Variants in KIF3B observed in about 807,000 individuals in gnomAD.
KIF3B encodes kinesin-like protein KIF3B.
In KIF3B, 38 loss-of-function variants were observed where a neutral mutation model predicts 74.3. The ratio of observed to expected loss-of-function variants is 0.51; its 90% CI spans 0.39 to 0.67. KIF3B has a LOEUF of 0.67. KIF3B is among the 30% of genes least tolerant of loss of function. The probability of loss-of-function intolerance (pLI) is 0.00; values close to 1 mark genes in which losing one functional copy is unlikely to be tolerated. For missense variants in KIF3B, 649 were observed against 932.0 expected, an observed-to-expected ratio of 0.70 and a Z score of 3.95; for synonymous variants, 326 against 342.5, an observed-to-expected ratio of 0.95 and a Z score of 0.53.
At chr20:32,318,536 CAT>C (rs951948531) in intron 5 of KIF3B, among the ~76,000 whole-genome samples, 1 of 152,168 alleles carries the variant, frequency 6.6e-6, no homozygotes, top group African/African-American at 2.4e-5. Context: ...CTGGCCATCT[CAT>C]ATAAATGGAA....
At chr20:32,306,255 G>C (rs1274845544) in intron 1 of KIF3B, among the ~76,000 whole-genome samples, 1 of 149,042 alleles carries the variant, frequency 6.7e-6, no homozygotes, top group Non-Finnish European at 1.5e-5. Context: ...GATTAGCTGG[G>C]CATGGTGGCA....
At chr20:32,315,001 G>A (rs962942773) in intron 2 of KIF3B, among the ~76,000 whole-genome samples, 1 of 152,044 alleles carries the variant, frequency 6.6e-6, no homozygotes, top group Admixed American at 6.6e-5. Context: ...CAGCCAGGCC[G>A]TCCCAAAGCC....
At chr20:32,278,346 GTCT>G (rs2047626278) in intron 1 of KIF3B, among the ~76,000 whole-genome samples, 1 of 152,068 alleles carries the variant, frequency 6.6e-6, no homozygotes, top group Non-Finnish European at 1.5e-5. Flanking sequence ...ATTTCTCTGA[GTCT>G]TCTTTTCCTT....
intron 1 of KIF3B, among the ~76,000 whole-genome samples, chr20:32,290,937 A>T (rs2047688488): frequency 6.6e-6 from 1 of 152,058 alleles, no homozygotes; most frequent in African/African-American, 2.4e-5. Flanking sequence ...ATTCAGCCTT[A>T]AAAAAGAAGG....
intron 1 of KIF3B, among the ~76,000 whole-genome samples, chr20:32,296,816 A>AT (rs1231989887): frequency 6.6e-6 from 1 of 152,032 alleles, no homozygotes; most frequent in Non-Finnish European, 1.5e-5. Flanking sequence ...CAGTGGTGTT[A>AT]TTTTTCAACC....
In KIF3B at chr20:32,302,657, C is replaced by T. The variant is rs1483943038; in HGVS notation, c.-65-7056C>T. Reference sequence around the variant, plus strand: ...TGTCCTGCCCTGCCATTCTGTTTCTCTTACTCTATCAGGTCTAGGATCTTG... The same window carrying T: ...TGTCCTGCCCTGCCATTCTGTTTCTTTTACTCTATCAGGTCTAGGATCTTG... On this transcript the variant is annotated intron_variant, in intron 1 of 8. Transcript: ENST00000375712. Among the ~76,000 whole-genome samples the T allele has an allele frequency of 2.6e-5, 4 of 152,166 alleles. No homozygotes were observed. The East Asian group carries it at 7.7e-4, about 29-fold the overall frequency.
chr20:32,293,113 A>G (rs941897585), intron 1 of KIF3B, among the ~76,000 whole-genome samples: 1 of 151,824 alleles, frequency 6.6e-6, no homozygotes, highest in African/African-American at 2.4e-5. Context: ...AATTAGTTGG[A>G]TGTGGTGGGG....
intron 5 of KIF3B, among the ~76,000 whole-genome samples, chr20:32,319,904 GT>G (rs1055663582): frequency 6.9e-6 from 1 of 144,200 alleles, no homozygotes; most frequent in Non-Finnish European, 1.5e-5. Context: ...AGTTTTAAGA[GT>G]TTTTTTTGAG....
chr20:32,300,074 CTGTTT>C (rs59811144), intron 1 of KIF3B, among the ~76,000 whole-genome samples: 11,820 of 149,376 alleles, frequency 0.079, 816 homozygotes, highest in African/African-American at 0.18. Flanking sequence ...CCACACTGGC[CTGTTT>C]TGTTTTGTTT....
rs1394519538 is a variant in KIF3B at position 32,334,174 on chromosome 20, C to G, written c.*2855C>G. 1 of 152,598 alleles carries G rather than the reference C, an allele frequency of 6.6e-6. No individual in the cohort carries two copies. The highest frequency in any genetic ancestry group is 2.1e-4 in the South Asian group (1 of 4,820). The allele number at this position is 152,598 out of a possible 1,614,324, so 9.5% of individuals were successfully genotyped here. A position where few individuals can be genotyped will look rare whatever the true frequency, so the allele number is the denominator to read the frequency against. ...GAGTTTGAGACTGTGTATGCAACCCCCAATAGACCCCCTTTTACTCTGATC... is the reference window on the plus strand; with the variant it reads ...GAGTTTGAGACTGTGTATGCAACCCGCAATAGACCCCCTTTTACTCTGATC... On this transcript the variant is annotated 3_prime_UTR_variant, in exon 9 of 9. Coordinates refer to ENST00000375712, the MANE Select transcript of KIF3B (RefSeq NM_004798.4).
intron 1 of KIF3B, among the ~76,000 whole-genome samples, chr20:32,279,203 G>A (rs1288640958): frequency 6.6e-6 from 1 of 151,848 alleles, no homozygotes; most frequent in East Asian, 1.9e-4. Context: ...GATTACATGC[G>A]TGAGCCACCA....
intron 5 of KIF3B, among the ~76,000 whole-genome samples, chr20:32,324,101 A>C (rs1307861049): frequency 7.0e-6 from 1 of 142,002 alleles, no homozygotes; most frequent in Admixed American, 7.4e-5. Flanking sequence ...CGAGTGAGAC[A>C]CCAACTCAAA....
chr20:32,319,527 TACAC>T (rs71187104), intron 5 of KIF3B, among the ~76,000 whole-genome samples: 19 of 133,538 alleles, frequency 1.4e-4, no homozygotes, highest in African/African-American at 4.2e-4. Flanking sequence ...ATATATTTCA[TACAC>T]ACACACACAC....
chr20:32,310,326 C>A lies in KIF3B; in HGVS notation c.549C>A (p.Val183=). Residue 183 remains valine (V), a synonymous_variant, in exon 2 of 9, where the codon GTC becomes GTA. Transcript: ENST00000375712. This position sits in a 1 kb window ranked among gnomAD's most constrained non-coding sequence, Gnocchi z 6.5. The stretch of plus-strand genomic sequence containing the variant: ...ATGTGAAAGACCTGTCTTCCTTTGT[C>A]ACCAAGAGTGTGAAGGAGATAGAGC... ...GVYVKDLSSF[V]TKSVKEIEHV... is the part of the protein sequence containing the mutation. 1 of 1,613,916 alleles carries A rather than the reference C, an allele frequency of 6.2e-7. No homozygotes were observed. The highest frequency in any genetic ancestry group is 1.1e-5 in the South Asian group (1 of 91,066).
At chr20:32,326,918 G>A in intron 6 of KIF3B, 34 bp downstream of exon 6, 1 of 1,001,630 alleles carries the variant, frequency 1.0e-6, no homozygotes, top group Non-Finnish European at 1.5e-6. Context: ...ATATTTTCAA[G>A]TATGAGGGAG....
chr20:32,289,622 C>A, intron 1 of KIF3B, among the ~76,000 whole-genome samples: 1 of 152,196 alleles, frequency 6.6e-6, no homozygotes. Context: ...TTTATTTTCA[C>A]AGTTACTTTC....
chr20:32,284,065 G>T lies in KIF3B; in HGVS notation c.-66+6300G>T, dbSNP rs146498518. On this transcript the variant is annotated intron_variant, in intron 1 of 8. Coordinates refer to ENST00000375712, the MANE Select transcript of KIF3B (RefSeq NM_004798.4). Reference sequence around the variant, plus strand: ...CAAGTAGCTGAGACTACAGGTGCATGCCACTACACCCAGCTAATTAAAAAA... The same window carrying T: ...CAAGTAGCTGAGACTACAGGTGCATTCCACTACACCCAGCTAATTAAAAAA... Among the ~76,000 whole-genome samples, 96 of 151,852 alleles carry T rather than the reference G, an allele frequency of 6.3e-4. 2 individuals carry two copies. The East Asian group carries it at 0.017, about 27-fold the overall frequency.
At chr20:32,318,335 A>G (rs2047838883) in intron 5 of KIF3B, among the ~76,000 whole-genome samples, 1 of 152,052 alleles carries the variant, frequency 6.6e-6, no homozygotes, top group East Asian at 1.9e-4. Context: ...GATAAAGTAT[A>G]CAAATCAGTG....
chr20:32,322,520 A>C (rs1379234011), intron 5 of KIF3B, among the ~76,000 whole-genome samples: 7 of 146,806 alleles, frequency 4.8e-5, no homozygotes, highest in African/African-American at 1.8e-4. Context: ...AGGCAAGAGA[A>C]TCGCTTGAAC....
Sources: allele counts gnomAD v4.1 joint callset (sites outside exome capture counted in the v4.1 genomes callset), GRCh38; gene constraint gnomAD v4.1.1; non-coding constraint Gnocchi (gnomAD v3.1); transcripts MANE v1.5; gene names NCBI Gene and HGNC (gene_info 2026-07-23, HGNC 2026-07-21).